The following XPA variants were observed in gnomAD, a reference collection of about 807,000 sequenced individuals.
The protein encoded by XPA is DNA repair protein complementing XP-A cells.
Under a neutral mutation model 35.7 loss-of-function variants are expected in XPA, and 27 were observed. The observed-to-expected ratio is 0.76, with a 90% CI of 0.56 to 1.04. XPA has a LOEUF of 1.04. Ranked by LOEUF, XPA falls within the 50% of genes least tolerant of loss-of-function variation. XPA has a pLI of 0.00. For synonymous variants in XPA, 133 were observed against 118.4 expected (o/e 1.12, Z -0.80); for missense variants, 354 against 342.7 (o/e 1.03, Z -0.26).
the XPA span, chr9:97,662,836 A>G: frequency 1.3e-3 from 914 of 715,346 alleles, 10 homozygotes; most frequent in African/African-American, 0.011. Context: ...GTTAATACTT[A>G]GTTATTTTGC....
chr9:97,685,088 A>T (rs1828674040), intron 4 of XPA, 48 bp from the exon 5 acceptor site: 2 of 1,513,834 alleles, frequency 1.3e-6, no homozygotes, highest in South Asian at 2.3e-5. Context: ...CAGACTTGCG[A>T]AATATTATAG....
At chr9:97,664,365 T>C in the XPA span, 3 of 1,612,332 alleles carry the variant, frequency 1.9e-6, no homozygotes, top group South Asian at 2.2e-5. Flanking sequence ...GTGGATAAGA[T>C]GATTCGTACA....
intron 1 of XPA, among the ~76,000 whole-genome samples, chr9:97,695,811 G>A (rs900570431): frequency 6.6e-6 from 1 of 152,214 alleles, no homozygotes; most frequent in South Asian, 2.1e-4. Flanking sequence ...AACATGGTGG[G>A]TTGTACACAA....
rs556879252 is a variant in XPA at position 97,681,977 on chromosome 9, A to G, written c.673+2946T>C. On this transcript the variant is annotated intron_variant, in intron 5 of 5. Coordinates refer to ENST00000375128, the MANE Select transcript of XPA (RefSeq NM_000380.4). ...TTTTGATACCAGTTAAAAAAACTGA[A>G]CAGCAGTTTCTGCCTTGTATCTAAC... 2.6e-5 allele frequency among the ~76,000 whole-genome samples: 4 copies of G among 152,304 alleles called. No individual in the cohort carries two copies. In the East Asian group the frequency reaches 7.7e-4, roughly 29 times the overall value.
chr9:97,692,277 G>C (rs1387704824), intron 2 of XPA, among the ~76,000 whole-genome samples: 1 of 151,856 alleles, frequency 6.6e-6, no homozygotes, highest in East Asian at 1.9e-4. Context: ...GGCAACGAGA[G>C]TGAAACTCTG....
downstream of XPA, chr9:97,672,086 C>T (rs572389358): frequency 2.0e-5 from 3 of 152,236 alleles, no homozygotes; most frequent in Non-Finnish European, 4.4e-5. Context: ...TTATATGGAA[C>T]CTGATCCAAA....
chr9:97,662,554 G>A, the XPA span, among the ~76,000 whole-genome samples: 1 of 152,172 alleles, frequency 6.6e-6, no homozygotes, highest in Non-Finnish European at 1.5e-5. Context: ...GGGTCCAAAG[G>A]AAGAAAGAGC....
At chr9:97,657,051 C>T in the XPA span, among the ~76,000 whole-genome samples, 1 of 152,158 alleles carries the variant, frequency 6.6e-6, no homozygotes, top group East Asian at 1.9e-4. Flanking sequence ...TCACTGCAAG[C>T]GCCACCTCCG....
chr9:97,688,770 C>T (rs1022836569), intron 3 of XPA, among the ~76,000 whole-genome samples: 2 of 152,168 alleles, frequency 1.3e-5, no homozygotes, highest in African/African-American at 4.8e-5. Context: ...TGCTCAGCAA[C>T]AAGCCAATCA....
Position 97,674,962 on chromosome 9 carries a change from T to C in XPA, c.*477A>G, listed in dbSNP as rs1175604637. 2 of 521,482 alleles carry C rather than the reference T, an allele frequency of 3.8e-6. No homozygotes were observed. Among genetic ancestry groups the C allele is most frequent in the Non-Finnish European group, 3.7e-6 (1 of 268,236 alleles). 32.3% of individuals were successfully genotyped at this position (521,482 alleles called of 1,614,324 possible). ...CTGCTATTAGGGCTTTTTCCAGCAG[T>C]AGTTCCCCACTGTTTCCACCATCGT... On this transcript the variant is annotated 3_prime_UTR_variant, in exon 6 of 6. Coordinates refer to ENST00000375128, the MANE Select transcript of XPA (RefSeq NM_000380.4).
At chr9:97,673,750 A>G (rs953687636), downstream of XPA, 1 of 152,234 alleles carries the variant, frequency 6.6e-6, no homozygotes, top group African/African-American at 2.4e-5. Flanking sequence ...CAAAGTAAAC[A>G]TACTGTTTTC....
intron 5 of XPA, among the ~76,000 whole-genome samples, chr9:97,683,427 G>A (rs1828607044): frequency 6.6e-6 from 1 of 152,100 alleles, no homozygotes; most frequent in Non-Finnish European, 1.5e-5. Context: ...CTCTTATATG[G>A]CACAGCTTAT....
chr9:97,675,479 C>T lies in XPA; in HGVS notation c.782G>A (p.Cys261Tyr), dbSNP rs770365855. 3 of 1,613,506 alleles carry T rather than the reference C, an allele frequency of 1.9e-6. No individual in the cohort carries two copies. Among genetic ancestry groups the T allele is most frequent in the Admixed American group, 3.3e-5 (2 of 59,952 alleles). Reference sequence around the variant, plus strand: ...TGTCAGTTCATGGCCACACATAGTACAAGTCTTACGGTACATGTCATCTTC... The same window carrying T: ...TGTCAGTTCATGGCCACACATAGTATAAGTCTTACGGTACATGTCATCTTC... ...NLEDDMYRKT[C>Y]TMCGHELTYE... The change falls in exon 6 of 6, where the codon TGT becomes TAT. Residue 261 changes from cysteine to tyrosine, a missense_variant. Cys to Tyr is a radical substitution (Grantham distance 194). Coordinates refer to ENST00000375128, the MANE Select transcript of XPA (RefSeq NM_000380.4).
rs780390664 is a variant in XPA at position 97,693,712 on chromosome 9, C to T, written c.220G>A (p.Gly74Ser). 6.2e-7 allele frequency: 1 copy of T among 1,613,512 alleles called. No individual in the cohort carries two copies. Among genetic ancestry groups the T allele is most frequent in the Non-Finnish European group, 8.5e-7 (1 of 1,179,942 alleles). The change falls in exon 2 of 6, where the codon GGC becomes AGC. Residue 74 changes from glycine (G) to serine (S), a missense_variant. Transcript: ENST00000375128. ...TCTTCTTCCTCTTCTAAAATGAAGC[C>T]TCCTCCTGTGTCAATTATCTTTGGG... Reference protein sequence around the residue: ...AAPKIIDTGGGFILEEEEEEE... With the variant: ...AAPKIIDTGGSFILEEEEEEE...
downstream of XPA, among the ~76,000 whole-genome samples, chr9:97,670,791 A>G (rs1383476892): frequency 1.3e-5 from 2 of 152,226 alleles, no homozygotes; most frequent in Admixed American, 6.5e-5. Context: ...AGTCCGTAAT[A>G]GTACTAGGAG....
chr9:97,662,783 T>G, the XPA span, among the ~76,000 whole-genome samples: 1 of 152,252 alleles, frequency 6.6e-6, no homozygotes, highest in Non-Finnish European at 1.5e-5. Flanking sequence ...ACAGCTTCCT[T>G]AAAAACTATC....
chr9:97,675,236 G>A lies in XPA; in HGVS notation c.*203C>T. 2 of 680,946 alleles carry A rather than the reference G, an allele frequency of 2.9e-6. No homozygotes were observed. Among genetic ancestry groups the A allele is most frequent in the Non-Finnish European group, 5.3e-6 (2 of 379,602 alleles). 42.2% of individuals were successfully genotyped at this position (680,946 alleles called of 1,614,324 possible). ...AGAAGGCAATCACAGACATGACATT[G>A]TGCACACAACCAGGCCAGGTGACCT... On this transcript the variant is annotated 3_prime_UTR_variant, in exon 6 of 6. Coordinates refer to ENST00000375128, the MANE Select transcript of XPA (RefSeq NM_000380.4).
At chr9:97,670,099 T>G (rs537851589), downstream of XPA, 77 of 328,674 alleles carry the variant, frequency 2.3e-4, no homozygotes, top group Admixed American at 1.5e-3. Flanking sequence ...ATTTTTGTAT[T>G]TTTAGTAGGG....
At chr9:97,677,311 T>C (rs1828396894) in intron 5 of XPA, among the ~76,000 whole-genome samples, 1 of 152,180 alleles carries the variant, frequency 6.6e-6, no homozygotes, top group Non-Finnish European at 1.5e-5. Flanking sequence ...AGCCAGTATG[T>C]CAGGCTATAT....
Sources: allele counts gnomAD v4.1 joint callset (sites outside exome capture counted in the v4.1 genomes callset), GRCh38; gene constraint gnomAD v4.1.1; transcripts MANE v1.5; gene names NCBI Gene and HGNC (gene_info 2026-07-23, HGNC 2026-07-21).